Variants in WSCD1 observed in about 807,000 individuals in gnomAD.
The protein encoded by WSCD1 is WSC domain sialate O sulfotransferase 1.
In WSCD1, 41 loss-of-function variants were observed where a neutral mutation model predicts 60.4. The observed-to-expected ratio is 0.68, with a 90% CI of 0.53 to 0.88. The LOEUF is 0.88. Ranked by LOEUF, WSCD1 falls within the 40% of genes least tolerant of loss-of-function variation. The pLI, the probability that WSCD1 is intolerant of heterozygous loss-of-function variation, is 0.00. For missense variants in WSCD1, 784 were observed against 796.2 expected (o/e 0.98, Z 0.18); for synonymous variants, 361 against 332.5 (o/e 1.09, Z -0.93).
chr17:6,114,805 T>A (rs1397109556), intron 7 of WSCD1, among the ~76,000 whole-genome samples: 4 of 152,082 alleles, frequency 2.6e-5, no homozygotes, highest in African/African-American at 9.7e-5. Context: ...AAGCCCCGTA[T>A]GCCTTAGGTA....
upstream of WSCD1, chr17:6,069,388 T>TGG: frequency 5.3e-6 from 2 of 378,080 alleles, no homozygotes. Context: ...TCCACCTCGG[T>TGG]GCGTGTGTGT....
At chr17:6,113,741 G>A (rs2150568571) in intron 7 of WSCD1, among the ~76,000 whole-genome samples, 1 of 152,276 alleles carries the variant, frequency 6.6e-6, no homozygotes, top group Non-Finnish European at 1.5e-5. Context: ...ATGAAAACAT[G>A]CTCAGTATCA....
At chr17:6,089,187 G>C (rs1471081459) in intron 3 of WSCD1, among the ~76,000 whole-genome samples, 2 of 152,166 alleles carry the variant, frequency 1.3e-5, no homozygotes, top group Admixed American at 6.5e-5. Flanking sequence ...GAAAAGACAA[G>C]GTCCTTACAT....
At chr17:6,088,172 G>A in intron 3 of WSCD1, 68 bp downstream of exon 3, 3 of 1,349,526 alleles carry the variant, frequency 2.2e-6, no homozygotes, top group East Asian at 4.7e-5. Context: ...CCAGAATGAG[G>A]AGGCATATCA....
chr17:6,119,301 C>A (rs1904496404), intron 8 of WSCD1, among the ~76,000 whole-genome samples: 1 of 152,268 alleles, frequency 6.6e-6, no homozygotes, highest in Non-Finnish European at 1.5e-5. Context: ...CTCACACTTG[C>A]TGAAGTCTTC....
intron 3 of WSCD1, 125 bp from the exon 4 acceptor site, chr17:6,090,196 A>G: frequency 9.8e-7 from 1 of 1,020,430 alleles, no homozygotes; most frequent in East Asian, 3.1e-5. Flanking sequence ...TTAAAGTATA[A>G]TTAAAACAAA....
intron 7 of WSCD1, among the ~76,000 whole-genome samples, chr17:6,116,904 C>T (rs1904329003): frequency 6.6e-6 from 1 of 152,164 alleles, no homozygotes; most frequent in Non-Finnish European, 1.5e-5. Context: ...GGAGCATGGG[C>T]TACATTGGGT....
intron 2 of WSCD1, among the ~76,000 whole-genome samples, chr17:6,083,661 T>C (rs550534699): frequency 6.6e-6 from 1 of 152,066 alleles, no homozygotes; most frequent in African/African-American, 2.4e-5. Context: ...TGCCTGTAAT[T>C]CCAGCTACTT....
intron 7 of WSCD1, among the ~76,000 whole-genome samples, chr17:6,111,815 T>C (rs1277917782): frequency 6.7e-6 from 1 of 149,688 alleles, no homozygotes; most frequent in Admixed American, 6.6e-5. Flanking sequence ...ACCTGAAAAG[T>C]AATTTAAAAT....
Position 6,109,625 on chromosome 17 carries a change from C to T in WSCD1, c.868C>T (p.Leu290Phe), listed in dbSNP as rs542448318. ...CTGGCAGGAGTTCCCCTTGGCCATTCTCAGGGGCTGGGAATGCTACTGTGC... is the reference window on the plus strand; with the variant it reads ...CTGGCAGGAGTTCCCCTTGGCCATTTTCAGGGGCTGGGAATGCTACTGTGC... ...CSQKEFPLAILRGWECYCAYP... is the reference protein window; with the variant it reads ...CSQKEFPLAIFRGWECYCAYP... The change falls in exon 6 of 9, where the codon CTC becomes TTC. Residue 290 changes from leucine to phenylalanine, a missense_variant. Transcript: ENST00000317744. The T allele has an allele frequency of 6.2e-7, 1 of 1,613,964 alleles. No homozygotes were observed. The highest frequency in any genetic ancestry group is 1.1e-5 in the South Asian group (1 of 91,050).
At chr17:6,085,850 C>T (rs568351089) in intron 2 of WSCD1, among the ~76,000 whole-genome samples, 48 of 152,270 alleles carry the variant, frequency 3.2e-4, no homozygotes, top group East Asian at 1.2e-3. Context: ...CTCACTGACC[C>T]GGGTGAAAGC....
At chr17:6,093,399 T>C (rs1331291735) in intron 4 of WSCD1, among the ~76,000 whole-genome samples, 1 of 152,080 alleles carries the variant, frequency 6.6e-6, no homozygotes, top group African/African-American at 2.4e-5. Context: ...GGATGTAGCT[T>C]CCCCCCAGGA....
Position 6,095,171 on chromosome 17 carries a change from T to G in WSCD1, c.797T>G (p.Leu266Arg). The change falls in exon 5 of 9, where the codon CTG becomes CGG. Residue 266 changes from leucine (L) to arginine (R), a missense_variant. Physicochemically the swap from Leu to Arg is moderately radical, Grantham distance 102. Coordinates refer to ENST00000317744, the MANE Select transcript of WSCD1 (RefSeq NM_015253.2). ...ATCACACATGCCTTCCCCAGCTCCC[T>G]GATACAGGCCAATGTGACCGTGGGG... ...ENITHAFPSS[L>R]IQANVTVGTC... is the part of the protein sequence containing the mutation. 1 of 1,613,770 alleles carries G rather than the reference T, an allele frequency of 6.2e-7. No individual in the cohort carries two copies. Among genetic ancestry groups the G allele is most frequent in the Non-Finnish European group, 8.5e-7 (1 of 1,179,842 alleles).
intron 7 of WSCD1, among the ~76,000 whole-genome samples, chr17:6,112,301 A>G (rs1479974161): frequency 1.3e-5 from 2 of 152,218 alleles, no homozygotes; most frequent in African/African-American, 2.4e-5. Context: ...GAGGGAACGT[A>G]CCTCACCACA....
intron 2 of WSCD1, among the ~76,000 whole-genome samples, chr17:6,086,411 C>G (rs1010211438): frequency 6.6e-6 from 1 of 151,870 alleles, no homozygotes; most frequent in African/African-American, 2.4e-5. Context: ...TCCCAGCTCA[C>G]TGCAACCTCC....
chr17:6,080,761 C>CTGT lies in WSCD1; in HGVS notation c.105_106insTTG (p.Leu35dup), dbSNP rs1392634339. The CTGT allele has an allele frequency of 6.2e-7, 1 of 1,612,512 alleles. No individual in the cohort carries two copies. The highest frequency in any genetic ancestry group is 1.7e-5 in the Admixed American group (1 of 59,980). ...CCTGATGACCGGCAGCCTGCTGCTG[C>CTGT]TGCAGCGGGTCCGCGTGGCTCTCCC... On this transcript the variant is annotated inframe_insertion, in exon 2 of 9. Transcript: ENST00000317744. This position sits in a 1 kb window ranked among gnomAD's most constrained non-coding sequence, Gnocchi z 6.6.
intron 1 of WSCD1, chr17:6,071,074 GCTCC>G (rs1451716595): frequency 6.6e-6 from 1 of 152,224 alleles, no homozygotes; most frequent in African/African-American, 2.4e-5. Flanking sequence ...CCCAGAAGCA[GCTCC>G]CTCTCGTTCC....
chr17:6,084,866 G>C (rs565675230), intron 2 of WSCD1: 1 of 152,102 alleles, frequency 6.6e-6, no homozygotes, highest in Admixed American at 6.5e-5. Context: ...CGCCTCTGTC[G>C]GGGAGTTAGA....
chr17:6,103,137 T>C (rs4263000), intron 5 of WSCD1, among the ~76,000 whole-genome samples: 138,847 of 152,234 alleles, frequency 0.91, 63,361 homozygotes, highest in East Asian at 1. Context: ...GAGCCTTAGT[T>C]TTCTCGTCTG....
Sources: gnomAD v4.1 joint callset for allele counts (sites outside exome capture counted in the v4.1 genomes callset) on GRCh38, gnomAD v4.1.1 for gene constraint, Gnocchi (gnomAD v3.1) non-coding constraint, MANE v1.5 for transcripts, NCBI Gene and HGNC (gene_info 2026-07-23, HGNC 2026-07-21) for gene names.